PAFAH1B1: variants seen among roughly 807,000 people sequenced by gnomAD.
PAFAH1B1 encodes platelet-activating factor acetylhydrolase IB subunit beta.
A neutral mutation model predicts 57.5 loss-of-function variants in PAFAH1B1; 2 were observed. The observed-to-expected ratio is 0.03, with a 90% CI of 0.01 to 0.11. The LOEUF is 0.11. Ranked by LOEUF, PAFAH1B1 falls within the 10% of genes least tolerant of loss-of-function variation. PAFAH1B1 has a pLI of 1.00. For missense variants in PAFAH1B1, 257 were observed against 512.0 expected (o/e 0.50, Z 4.81); for synonymous variants, 152 against 169.6 (o/e 0.90, Z 0.81).
In PAFAH1B1 at chr17:2,665,467, C is replaced by G; in HGVS notation, c.117+11C>G. 2.8e-6 allele frequency: 4 copies of G among 1,453,246 alleles called. No homozygotes were observed. Among genetic ancestry groups the G allele is most frequent in the Non-Finnish European group, 3.9e-6 (4 of 1,034,480 alleles). The allele number at this position is 1,453,246 out of a possible 1,614,324, so 90.0% of individuals were successfully genotyped here. Reference sequence around the variant, plus strand: ...GCTGAATTAGATGTGGTATGTTTTACTTTTTACAATTCAAAGTATAGTTAA... The same window carrying G: ...GCTGAATTAGATGTGGTATGTTTTAGTTTTTACAATTCAAAGTATAGTTAA... On this transcript the variant is annotated intron_variant, in intron 3 of 10. Transcript: ENST00000397195.
At chr17:2,600,328 C>T (rs1370585193) in intron 1 of PAFAH1B1, among the ~76,000 whole-genome samples, 1 of 151,544 alleles carries the variant, frequency 6.6e-6, no homozygotes, top group Admixed American at 6.6e-5. Flanking sequence ...AATCCCAGGA[C>T]TTTGGGAGGC....
At chr17:2,656,635 A>C (rs571457100) in intron 2 of PAFAH1B1, among the ~76,000 whole-genome samples, 1 of 152,130 alleles carries the variant, frequency 6.6e-6, no homozygotes, top group Non-Finnish European at 1.5e-5. Context: ...TGCTCCATCA[A>C]CAATTGGAAG....
At chr17:2,652,887 A>G (rs560079893) in intron 2 of PAFAH1B1, among the ~76,000 whole-genome samples, 13 of 152,316 alleles carry the variant, frequency 8.5e-5, no homozygotes, top group Admixed American at 8.5e-4. Context: ...AGAACTGGAA[A>G]TATCATTTGA....
intron 2 of PAFAH1B1, chr17:2,659,491 A>G (rs1265401601): frequency 7.7e-5 from 14 of 181,552 alleles, no homozygotes; most frequent in Non-Finnish European, 1.4e-4. Flanking sequence ...ACTGCATTCC[A>G]GCCTGGCGAC....
At chr17:2,593,590 GGGC>G (rs552674446), upstream of PAFAH1B1, among the ~76,000 whole-genome samples, 126 of 148,772 alleles carry the variant, frequency 8.5e-4, no homozygotes, top group South Asian at 3.8e-3. Context: ...GGCGGGTCTG[GGGC>G]GGCGGCGGCG....
chr17:2,596,331 A>G (rs1191348742), intron 1 of PAFAH1B1, among the ~76,000 whole-genome samples: 1 of 152,260 alleles, frequency 6.6e-6, no homozygotes, highest in African/African-American at 2.4e-5. Flanking sequence ...AATCTAAGAA[A>G]AATACTACAA....
rs374875905 is a variant in PAFAH1B1 at position 2,597,916 on chromosome 17, A to T, written c.-191+3910A>T. On this transcript the variant is annotated intron_variant, in intron 1 of 10. Coordinates refer to ENST00000397195, the MANE Select transcript of PAFAH1B1 (RefSeq NM_000430.4). The stretch of plus-strand genomic sequence containing the variant: ...TATTCATAATTTGTCATCTTTGTGA[A>T]TAAGTCATGGATGCTATAGAAATTG... Among the ~76,000 whole-genome samples the T allele has an allele frequency of 2.4e-4, 36 of 152,094 alleles. No individual in the cohort carries two copies. The East Asian group carries it at 3.3e-3, about 14-fold the overall frequency.
intron 9 of PAFAH1B1, chr17:2,679,669 GATAT>G (rs1375028893): frequency 2.4e-5 from 4 of 164,152 alleles, no homozygotes; most frequent in Non-Finnish European, 4.0e-5. Context: ...TGGATGGATG[GATAT>G]ATAGATATAT....
chr17:2,638,068 TAA>T, intron 1 of PAFAH1B1, 29 bp from the exon 2 acceptor site: 2 of 490,132 alleles, frequency 4.1e-6, no homozygotes, highest in Non-Finnish European at 7.3e-6. Context: ...TTAAGTGAAA[TAA>T]TCTTTTTTTT....
intron 1 of PAFAH1B1, among the ~76,000 whole-genome samples, chr17:2,625,867 G>C (rs2068482812): frequency 6.6e-6 from 1 of 152,148 alleles, no homozygotes; most frequent in Non-Finnish European, 1.5e-5. Context: ...GAGCCTAGGA[G>C]TTAGAGGCTG....
chr17:2,618,140 C>T (rs568993939), intron 1 of PAFAH1B1, among the ~76,000 whole-genome samples: 2 of 151,728 alleles, frequency 1.3e-5, no homozygotes, highest in Non-Finnish European at 2.9e-5. Context: ...CCCAGCTATT[C>T]GGGAAGCTGA....
chr17:2,626,344 T>A (rs1428474180), intron 1 of PAFAH1B1, among the ~76,000 whole-genome samples: 4 of 152,120 alleles, frequency 2.6e-5, no homozygotes, highest in Non-Finnish European at 5.9e-5. Flanking sequence ...ATTGTATTCT[T>A]AAAATAAGTA....
intron 1 of PAFAH1B1, among the ~76,000 whole-genome samples, chr17:2,634,888 G>T (rs2068601772): frequency 6.6e-6 from 1 of 152,178 alleles, no homozygotes; most frequent in African/African-American, 2.4e-5. Context: ...GTCCAGCCAG[G>T]TGTGGTGGCT....
chr17:2,667,163 G>A lies in PAFAH1B1; in HGVS notation c.364G>A (p.Val122Ile). 6.2e-7 allele frequency: 1 copy of A among 1,613,816 alleles called. No homozygotes were observed. Among genetic ancestry groups the A allele is most frequent in the Non-Finnish European group, 8.5e-7 (1 of 1,179,752 alleles). Reference protein sequence around the residue: ...TRVIFHPVFSVMVSASEDATI... With the variant: ...TRVIFHPVFSIMVSASEDATI... Reference sequence around the variant, plus strand: ...AGTCATTTTCCATCCTGTGTTCAGTGTTATGGTCTCTGCTTCAGAGGATGC... The same window carrying A: ...AGTCATTTTCCATCCTGTGTTCAGTATTATGGTCTCTGCTTCAGAGGATGC... Residue 122 changes from valine to isoleucine, a missense_variant, in exon 5 of 11, where the codon GTT (valine) becomes ATT (isoleucine). Physicochemically the swap from Val to Ile is conservative, Grantham distance 29. Transcript: ENST00000397195.
chr17:2,620,239 A>G (rs1440001176), intron 1 of PAFAH1B1, among the ~76,000 whole-genome samples: 2 of 152,216 alleles, frequency 1.3e-5, no homozygotes, highest in African/African-American at 4.8e-5. Flanking sequence ...GTCTAAGCCT[A>G]AAGTAAGGTA....
intron 1 of PAFAH1B1, among the ~76,000 whole-genome samples, chr17:2,618,740 T>C (rs1480965739): frequency 1.3e-5 from 2 of 149,360 alleles, no homozygotes; most frequent in Non-Finnish European, 3.0e-5. Context: ...CTCCACCTCC[T>C]GGGTTCAAGT....
chr17:2,674,910 C>G (rs2151668549), intron 8 of PAFAH1B1, among the ~76,000 whole-genome samples: 1 of 152,286 alleles, frequency 6.6e-6, no homozygotes, highest in South Asian at 2.1e-4. Context: ...GAGGCTGAGG[C>G]AAGAGGATCA....
At chr17:2,677,326 G>A (rs1338522319) in intron 9 of PAFAH1B1, among the ~76,000 whole-genome samples, 2 of 152,010 alleles carry the variant, frequency 1.3e-5, no homozygotes, top group Admixed American at 6.6e-5. Context: ...GCTTATTTAG[G>A]AGCATCTGTA....
intron 2 of PAFAH1B1, among the ~76,000 whole-genome samples, chr17:2,662,391 TG>T (rs1379047975): frequency 9.1e-6 from 1 of 109,896 alleles, no homozygotes; most frequent in Non-Finnish European, 2.1e-5. Flanking sequence ...TGTGTGTGTG[TG>T]TGTGTGTGTG....
Sources: allele counts gnomAD v4.1 joint callset (sites outside exome capture counted in the v4.1 genomes callset), GRCh38; gene constraint gnomAD v4.1.1; transcripts MANE v1.5; gene names NCBI Gene and HGNC (gene_info 2026-07-23, HGNC 2026-07-21).